Variants in PALM observed in about 807,000 individuals in gnomAD.
PALM encodes paralemmin, also known as paralemmin-1.
Under a neutral mutation model 30.7 loss-of-function variants are expected in PALM, and 18 were observed. The observed-to-expected ratio is 0.59, with a 90% confidence interval of 0.41 to 0.87. PALM has a LOEUF of 0.87. Ranked by LOEUF, PALM falls within the 40% of genes least tolerant of loss-of-function variation. The probability of loss-of-function intolerance (pLI) is 0.00; values close to 1 mark genes in which losing one functional copy is unlikely to be tolerated. For synonymous variants in PALM, 286 were observed against 242.8 expected, an observed-to-expected ratio of 1.18 and a Z score of -1.66; for missense variants, 529 against 555.4, an observed-to-expected ratio of 0.95 and a Z score of 0.48.
At chr19:712,962 C>T (rs375118333) in intron 1 of PALM, among the ~76,000 whole-genome samples, 1 of 152,218 alleles carries the variant, frequency 6.6e-6, no homozygotes, top group African/African-American at 2.4e-5. Context: ...AGGTGTGAGG[C>T]ACCGTGCACG....
At chr19:730,013 A>G (rs1483810970) in intron 4 of PALM, among the ~76,000 whole-genome samples, 1 of 152,154 alleles carries the variant, frequency 6.6e-6, no homozygotes, top group Admixed American at 6.5e-5. Context: ...CTTGAGGCCT[A>G]GTTTGCTTTC....
chr19:744,229 T>C (rs919215039), intron 8 of PALM, among the ~76,000 whole-genome samples: 1 of 151,598 alleles, frequency 6.6e-6, no homozygotes, highest in East Asian at 1.9e-4. Context: ...TGAAACCCCA[T>C]CTCTACTAAA....
At chr19:735,211 T>G (rs1248296348) in intron 6 of PALM, 247 of 14,220 alleles carry the variant, frequency 0.017, no homozygotes, top group East Asian at 0.036. Context: ...GCCTGTGTCC[T>G]GGTGTCTGGG....
At chr19:743,457 A>T (rs1437545566) in intron 8 of PALM, among the ~76,000 whole-genome samples, 4 of 152,170 alleles carry the variant, frequency 2.6e-5, no homozygotes, top group Non-Finnish European at 4.4e-5. Flanking sequence ...GGACACACTG[A>T]GTTCAGTTCC....
At chr19:713,733 T>C (rs1438929109) in intron 1 of PALM, among the ~76,000 whole-genome samples, 2 of 149,882 alleles carry the variant, frequency 1.3e-5, no homozygotes. Context: ...CATGCGCCAC[T>C]GCGCCTGGCT....
intron 7 of PALM, among the ~76,000 whole-genome samples, chr19:736,394 G>A (rs969482228): frequency 6.6e-6 from 1 of 152,202 alleles, no homozygotes; most frequent in African/African-American, 2.4e-5. Flanking sequence ...CCTGGGGCCC[G>A]CTGGGGGTGG....
Position 719,258 on chromosome 19 carries a change from T to C in PALM, c.6-6880T>C, listed in dbSNP as rs531529397. On this transcript the variant is annotated intron_variant, in intron 1 of 8. Coordinates refer to ENST00000338448, the MANE Select transcript of PALM (RefSeq NM_002579.3). ...CTGCTCGCTGGGTGACCTTGGCCGT[T>C]GCGTAACCTCTCTGGGCCCTTCCAA... is the stretch of plus-strand genomic sequence containing the variant. 112 of 985,466 alleles carry C rather than the reference T, an allele frequency of 1.1e-4. No individual in the cohort carries two copies. The South Asian group carries it at 4.7e-3, about 41-fold the overall frequency. The allele number at this position is 985,466 out of a possible 1,614,324, so 61.0% of individuals were successfully genotyped here. A position where few individuals can be genotyped will look rare whatever the true frequency, so the allele number is the denominator to read the frequency against.
chr19:719,534 C>G (rs956180119), intron 1 of PALM: 22 of 985,478 alleles, frequency 2.2e-5, no homozygotes, highest in Middle Eastern at 1.0e-3. Context: ...CAGGGAGGCT[C>G]GGAGACCCAG....
Position 747,128 on chromosome 19 carries a change from G to A in PALM, c.*314G>A. 1 of 307,388 alleles carries A rather than the reference G, an allele frequency of 3.3e-6. No homozygotes were observed. The highest frequency in any genetic ancestry group is 1.0e-3 in the Middle Eastern group (1 of 982). The allele number at this position is 307,388 out of a possible 1,614,324, so 19.0% of individuals were successfully genotyped here. On this transcript the variant is annotated 3_prime_UTR_variant, in exon 9 of 9. Transcript: ENST00000338448. ...CACAGACGCGGCTCGCGCCCACCGGGGTCCTGGCGGGTGGGACCCGCAGCC... is the reference window on the plus strand; with the variant it reads ...CACAGACGCGGCTCGCGCCCACCGGAGTCCTGGCGGGTGGGACCCGCAGCC...
At position 746,683 on chromosome 19, in the gene PALM, G is replaced by A. The variant is rs1258529456; in HGVS notation, c.1033G>A (p.Gly345Ser). ...GCCCAAGGAGCCTGCACCACCCAAC[G>A]GCAGTGCTGCCGAGCCTCCCACGGA... ...AEPKEPAPPN[G>S]SAAEPPTEAA... Residue 345 changes from glycine (G) to serine (S), a missense_variant, in exon 9 of 9, where the codon GGC (glycine) becomes AGC (serine). Transcript: ENST00000338448. The surrounding 1 kb of genome is among the most constrained non-coding windows in gnomAD (Gnocchi z 7.1). 7 of 1,610,670 alleles carry A rather than the reference G, an allele frequency of 4.3e-6. No homozygotes were observed. Among genetic ancestry groups the A allele is most frequent in the African/African-American group, 1.3e-5 (1 of 74,970 alleles).
At chr19:736,148 C>CGGGGGGGG in intron 7 of PALM, 70 bp downstream of exon 7, 2 of 1,103,496 alleles carry the variant, frequency 1.8e-6, no homozygotes, top group East Asian at 2.6e-5. Flanking sequence ...GTCCGGGGGG[C>CGGGGGGGG]CGGGTGGGGC....
At chr19:729,148 G>A (rs1231817433) in intron 4 of PALM, among the ~76,000 whole-genome samples, 1 of 150,568 alleles carries the variant, frequency 6.6e-6, no homozygotes, top group Non-Finnish European at 1.5e-5. Context: ...CCAAGATGGC[G>A]AAACCCAGTC....
intron 4 of PALM, among the ~76,000 whole-genome samples, chr19:729,032 G>A (rs1205522080): frequency 1.3e-5 from 2 of 151,246 alleles, no homozygotes; most frequent in African/African-American, 4.9e-5. Flanking sequence ...TAAAAATAAA[G>A]GCATGGACAT....
chr19:736,411 C>T (rs767850818), intron 7 of PALM, among the ~76,000 whole-genome samples: 2 of 152,216 alleles, frequency 1.3e-5, no homozygotes, highest in African/African-American at 2.4e-5. Flanking sequence ...GTGGCGCTCA[C>T]GCCTGAACAT....
At chr19:744,001 C>T (rs1006220758) in intron 8 of PALM, among the ~76,000 whole-genome samples, 2 of 152,216 alleles carry the variant, frequency 1.3e-5, no homozygotes, top group African/African-American at 4.8e-5. Context: ...GTATCTTCTG[C>T]TCTGTGTTCC....
In PALM at chr19:731,226, T is replaced by G. The variant is rs1599155063; in HGVS notation, c.401T>G (p.Val134Gly). The G allele has an allele frequency of 6.2e-7, 1 of 1,608,686 alleles. No homozygotes were observed. Among genetic ancestry groups the G allele is most frequent in the Non-Finnish European group, 8.5e-7 (1 of 1,178,462 alleles). The stretch of plus-strand genomic sequence containing the variant: ...GCCAAGGAGGAGCGCAAGACAGAGG[T>G]GGTGATGAATTCACAGCAGGTAAGG... Reference protein sequence around the residue: ...SPAKEERKTEVVMNSQQTPVG... With the variant: ...SPAKEERKTEGVMNSQQTPVG... Residue 134 changes from valine to glycine, a missense_variant, in exon 5 of 9, where the codon GTG becomes GGG. Coordinates refer to ENST00000338448, the MANE Select transcript of PALM (RefSeq NM_002579.3).
chr19:728,729 C>A (rs1302253564), intron 4 of PALM, among the ~76,000 whole-genome samples: 1 of 151,926 alleles, frequency 6.6e-6, no homozygotes, highest in East Asian at 1.9e-4. Flanking sequence ...GAAGGCCAGG[C>A]GCGGTGGCTC....
intron 1 of PALM, among the ~76,000 whole-genome samples, chr19:712,823 C>A (rs764800496): frequency 3.3e-5 from 5 of 152,130 alleles, no homozygotes; most frequent in Non-Finnish European, 5.9e-5. Flanking sequence ...TTACAGGTGC[C>A]TGCCACCACG....
chr19:736,351 G>A (rs1039858501), intron 7 of PALM, among the ~76,000 whole-genome samples: 3 of 152,160 alleles, frequency 2.0e-5, no homozygotes, highest in African/African-American at 4.8e-5. Flanking sequence ...GCGACCTCAC[G>A]GCTTTCATTC....
Sources: gnomAD v4.1 joint callset for allele counts (sites outside exome capture counted in the v4.1 genomes callset) on GRCh38, gnomAD v4.1.1 for gene constraint, Gnocchi (gnomAD v3.1) non-coding constraint, MANE v1.5 for transcripts, NCBI Gene and HGNC (gene_info 2026-07-23, HGNC 2026-07-21) for gene names.